The following CAMKK2 variants were observed in gnomAD, a reference collection of about 807,000 sequenced individuals.
The protein encoded by CAMKK2 is calcium/calmodulin-dependent protein kinase kinase 2.
CAMKK2 carries 30 observed loss-of-function variants against 67.2 expected under a neutral mutation model. The ratio of observed to expected loss-of-function variants is 0.45; its 90% CI spans 0.33 to 0.61. The LOEUF (loss-of-function observed/expected upper bound fraction) is 0.61. Among genes scored for constraint, CAMKK2 ranks in the 20% least tolerant of loss-of-function variants. The pLI, the probability that CAMKK2 is intolerant of heterozygous loss-of-function variation, is 0.02. For missense variants in CAMKK2, 643 were observed against 802.0 expected, an observed-to-expected ratio of 0.80 and a Z score of 2.39; for synonymous variants, 322 against 326.2, an observed-to-expected ratio of 0.99 and a Z score of 0.14.
rs767887382 is a variant in CAMKK2 at position 121,269,493 on chromosome 12, A to T, written c.573+35T>A. ...TGGAAAGGAGGCTCTTCTGTGGATA[A>T]GGATGGGGGCAGGGAGGAGAATGCG... On this transcript the variant is annotated intron_variant, in intron 4 of 16. Transcript: ENST00000404169. 7.8e-6 allele frequency: 12 copies of T among 1,536,448 alleles called. No individual in the cohort carries two copies. The Admixed American group carries it at 2.1e-4, about 27-fold the overall frequency.
intron 1 of CAMKK2, among the ~76,000 whole-genome samples, chr12:121,293,226 G>A (rs904449823): frequency 2.8e-4 from 43 of 152,024 alleles, no homozygotes; most frequent in Middle Eastern, 3.4e-3. Flanking sequence ...GCAGTGAACC[G>A]AGATCACACC....
intron 16 of CAMKK2, among the ~76,000 whole-genome samples, chr12:121,241,312 T>G (rs1489567834): frequency 1.3e-5 from 2 of 152,148 alleles, no homozygotes; most frequent in Non-Finnish European, 2.9e-5. Flanking sequence ...TCCTTGTGTG[T>G]GGGGGTGATC....
intron 9 of CAMKK2, among the ~76,000 whole-genome samples, chr12:121,255,275 T>A (rs868207956): frequency 1.8e-5 from 1 of 55,714 alleles, no homozygotes; most frequent in South Asian, 4.8e-4. Flanking sequence ...TATATATATA[T>A]AATTATATAT....
chr12:121,242,916 G>C (rs2136133683), intron 16 of CAMKK2, among the ~76,000 whole-genome samples: 1 of 150,722 alleles, frequency 6.6e-6, no homozygotes, highest in East Asian at 2.0e-4. Context: ...CTAATTTTTT[G>C]TATTTTTAGT....
chr12:121,262,330 G>GTCTTAAT (rs1893620353), intron 6 of CAMKK2, among the ~76,000 whole-genome samples: 1 of 152,012 alleles, frequency 6.6e-6, no homozygotes, highest in South Asian at 2.1e-4. Flanking sequence ...GACTAACACG[G>GTCTTAAT]TGAAACCCCA....
At position 121,281,358 on chromosome 12, in the gene CAMKK2, C is replaced by T. The variant is rs184578332; in HGVS notation, c.-59-6773G>A. On this transcript the variant is annotated intron_variant, in intron 1 of 16. Transcript: ENST00000404169. ...AGGCTCCCCTGAGGTTGCCTCATCC[C>T]GGGCACAACAAAAAGGCCCAAAACA... 4.0e-3 allele frequency among the ~76,000 whole-genome samples: 604 copies of T among 152,316 alleles called. 1 individual carries two copies. The highest frequency in any genetic ancestry group is 4.9e-3 in the African/African-American group (205 of 41,580).
Position 121,240,997 on chromosome 12 carries a change from G to A in CAMKK2, c.1597-128C>T, listed in dbSNP as rs1888274843. 3 of 870,128 alleles carry A rather than the reference G, an allele frequency of 3.4e-6. No individual in the cohort carries two copies. The highest frequency in any genetic ancestry group is 2.6e-5 in the Admixed American group (1 of 39,148). 53.9% of individuals were successfully genotyped at this position (870,128 alleles called of 1,614,324 possible). A position where few individuals can be genotyped will look rare whatever the true frequency, so the allele number is the denominator to read the frequency against. On this transcript the variant is annotated intron_variant, in intron 16 of 16. Coordinates refer to ENST00000404169, the MANE Select transcript of CAMKK2 (RefSeq NM_001270485.2). This position sits in a 1 kb window ranked among gnomAD's most constrained non-coding sequence, Gnocchi z 4.4. ...GCGCACCCCCTGGAACGTGATCTAC[G>A]TAACCCAGTCTTTGAGATCCTCTCC...
At chr12:121,250,678 T>C (rs112069996) in intron 11 of CAMKK2, among the ~76,000 whole-genome samples, 2 of 152,192 alleles carry the variant, frequency 1.3e-5, no homozygotes, top group African/African-American at 4.8e-5. Flanking sequence ...GATTTGTTTA[T>C]TGTTTAACCC....
chr12:121,268,835 G>A, intron 4 of CAMKK2, 146 bp from the exon 5 acceptor site: 1 of 727,376 alleles, frequency 1.4e-6, no homozygotes, highest in Admixed American at 2.0e-5. Flanking sequence ...AACAGAGTGA[G>A]CCCCTCATTA....
intron 5 of CAMKK2, among the ~76,000 whole-genome samples, chr12:121,266,499 G>GTTT (rs144456553): frequency 4.9e-5 from 7 of 142,790 alleles, no homozygotes; most frequent in Admixed American, 1.4e-4. Context: ...GTTAGGATGG[G>GTTT]TTTTTTTTTT....
At chr12:121,254,739 A>C (rs536080939) in intron 9 of CAMKK2, among the ~76,000 whole-genome samples, 127 of 152,352 alleles carry the variant, frequency 8.3e-4, no homozygotes, top group Non-Finnish European at 1.5e-3. Flanking sequence ...AGTGGCAGGA[A>C]GAAGGGTTTT....
rs373195123 is a variant in CAMKK2, at chr12:121,260,466, A to G, written c.760-111T>C. On this transcript the variant is annotated intron_variant, in intron 6 of 16. Coordinates refer to ENST00000404169, the MANE Select transcript of CAMKK2 (RefSeq NM_001270485.2). ...CCACGTGGCTGCGTTTGCCAACAGG[A>G]GGGCTGCATTTGGCAGCGTGTTTCC... The G allele has an allele frequency of 5.0e-4, 466 of 926,422 alleles. 4 individuals are homozygous for G. In the East Asian group the frequency reaches 9.2e-3, roughly 18 times the overall value. 57.4% of individuals were successfully genotyped at this position (926,422 alleles called of 1,614,324 possible).
intron 1 of CAMKK2, among the ~76,000 whole-genome samples, chr12:121,289,231 T>C (rs1035742073): frequency 2.0e-5 from 3 of 151,920 alleles, no homozygotes; most frequent in Admixed American, 1.3e-4. Context: ...CTTTTCTCTA[T>C]GCTTAAAATG....
chr12:121,263,928 G>A lies in CAMKK2; in HGVS notation c.637C>T (p.Pro213Ser). ...CCAGGAGCTGGCCGGGTGCCTCGGG[G>A]TGGAGGGCGACCTGAAGGAAACAAA... is the stretch of plus-strand genomic sequence containing the variant. Reference protein sequence around the residue: ...RQAGFPRRPPPRGTRPAPGGC... With the variant: ...RQAGFPRRPPSRGTRPAPGGC... Residue 213 changes from proline (P) to serine (S), a missense_variant, in exon 6 of 17, where the codon CCC becomes TCC. By Grantham distance (74) the Pro-to-Ser change is moderately conservative (BLOSUM62 -1). Around this residue, in one of 3 missense-constraint regions of CAMKK2, gnomAD observed 483 missense variants for 625.8 expected, o/e 0.77. Transcript: ENST00000404169. The A allele has an allele frequency of 6.2e-7, 1 of 1,603,370 alleles. No individual in the cohort carries two copies.
At chr12:121,272,602 C>A (rs922602228) in intron 2 of CAMKK2, among the ~76,000 whole-genome samples, 11 of 151,714 alleles carry the variant, frequency 7.3e-5, no homozygotes, top group African/African-American at 2.7e-4. Flanking sequence ...GTGGCTCATG[C>A]CTGTAATCCC....
At chr12:121,271,723 T>G (rs1895821147) in intron 2 of CAMKK2, among the ~76,000 whole-genome samples, 1 of 152,222 alleles carries the variant, frequency 6.6e-6, no homozygotes, top group Non-Finnish European at 1.5e-5. Context: ...TTTTTTCTTT[T>G]TGAGATGGAG....
intron 9 of CAMKK2, among the ~76,000 whole-genome samples, chr12:121,255,313 A>T (rs370060006): frequency 5.0e-4 from 6 of 12,082 alleles, no homozygotes; most frequent in Non-Finnish European, 9.9e-4. Flanking sequence ...TTTATATATA[A>T]TTTTATATAT....
In CAMKK2 at chr12:121,255,533, C is replaced by G; in HGVS notation, c.907+17G>C. On this transcript the variant is annotated intron_variant, in intron 9 of 16. Transcript: ENST00000404169. ...AACTACCCACTGGGTGAGAGCCCTC[C>G]CGCAGGCCCTGCTCACAGTACTCGA... 1.3e-6 allele frequency: 2 copies of G among 1,599,380 alleles called. No homozygotes were observed. The highest frequency in any genetic ancestry group is 1.7e-6 in the Non-Finnish European group (2 of 1,171,712).
intron 1 of CAMKK2, among the ~76,000 whole-genome samples, chr12:121,277,487 C>G (rs2136480706): frequency 6.6e-6 from 1 of 152,258 alleles, no homozygotes; most frequent in Admixed American, 6.5e-5. Flanking sequence ...AAGTGTCCAT[C>G]AACAGACGAA....
Sources: allele counts gnomAD v4.1 joint callset (sites outside exome capture counted in the v4.1 genomes callset), GRCh38; gene constraint gnomAD v4.1.1; regional missense constraint gnomAD v4.1.1; non-coding constraint Gnocchi (gnomAD v3.1); transcripts MANE v1.5; gene names NCBI Gene and HGNC (gene_info 2026-07-23, HGNC 2026-07-21).